The following DLG2 variants were observed in gnomAD, a reference collection of about 807,000 sequenced individuals.
The protein encoded by DLG2 is disks large homolog 2.
A neutral mutation model predicts 132.5 loss-of-function variants in DLG2; 45 were observed. The observed-to-expected ratio is 0.34, with a 90% CI of 0.27 to 0.44. The LOEUF is 0.44. Among genes scored for constraint, DLG2 ranks in the 20% least tolerant of loss-of-function variants. The pLI is 1.00. For synonymous variants in DLG2, 424 were observed against 419.6 expected (o/e 1.01, Z -0.13); for missense variants, 1,045 against 1,196.9 (o/e 0.87, Z 1.87).
At chr11:84,866,047 G>A (rs1005099692) in intron 6 of DLG2, among the ~76,000 whole-genome samples, 2 of 152,172 alleles carry the variant, frequency 1.3e-5, no homozygotes, top group Non-Finnish European at 2.9e-5. Context: ...AAAAGGTTGA[G>A]GGAATGATTA....
chr11:83,655,967 C>G (rs1395911826), intron 18 of DLG2, among the ~76,000 whole-genome samples: 1 of 152,220 alleles, frequency 6.6e-6, no homozygotes, highest in Admixed American at 6.5e-5. Context: ...CTAAACAGTG[C>G]AGTAGGAATT....
intron 6 of DLG2, among the ~76,000 whole-genome samples, chr11:85,059,977 T>C (rs903468911): frequency 6.6e-5 from 10 of 151,476 alleles, no homozygotes; most frequent in Admixed American, 2.0e-4. Context: ...ATCTACCCTC[T>C]TAAATTTTTA....
At chr11:84,405,704 T>C (rs1053065073) in intron 7 of DLG2, among the ~76,000 whole-genome samples, 2 of 151,882 alleles carry the variant, frequency 1.3e-5, no homozygotes, top group African/African-American at 4.8e-5. Flanking sequence ...TAATAGAGAC[T>C]AGAAAGTACT....
Position 85,542,710 on chromosome 11 carries a change from G to C in DLG2, c.40+55947C>G, listed in dbSNP as rs187868567. Among the ~76,000 whole-genome samples the C allele has an allele frequency of 1.3e-4, 20 of 152,198 alleles. 1 individual carries two copies. Among genetic ancestry groups the C allele is most frequent in the African/African-American group, 4.1e-4 (17 of 41,516 alleles). ...CTTCATTCTCTGTTCCTATGTCATA[G>C]CATAATCATTTGACATGACATTTCA... On this transcript the variant is annotated intron_variant, in intron 3 of 27. Coordinates refer to ENST00000376104, the MANE Select transcript of DLG2 (RefSeq NM_001142699.3).
intron 19 of DLG2, among the ~76,000 whole-genome samples, chr11:83,628,026 C>T (rs1220101120): frequency 4.6e-5 from 7 of 152,250 alleles, no homozygotes; most frequent in Non-Finnish European, 7.4e-5. Flanking sequence ...TGAGAAGTGT[C>T]TGTTCATATC....
chr11:85,403,327 A>G (rs574066519), intron 3 of DLG2, among the ~76,000 whole-genome samples: 1 of 151,940 alleles, frequency 6.6e-6, no homozygotes, highest in South Asian at 2.1e-4. Context: ...TACATCAAAC[A>G]TTGGGGCCTG....
intron 18 of DLG2, among the ~76,000 whole-genome samples, chr11:83,743,887 A>G (rs745507955): frequency 6.6e-6 from 1 of 152,208 alleles, no homozygotes; most frequent in Non-Finnish European, 1.5e-5. Context: ...GGCTATATTT[A>G]TTACGTACTG....
At chr11:84,364,453 C>G (rs988583795) in intron 7 of DLG2, among the ~76,000 whole-genome samples, 1 of 152,140 alleles carries the variant, frequency 6.6e-6, no homozygotes, top group African/African-American at 2.4e-5. Context: ...ATGTCATCTG[C>G]AAACAGGGAC....
intron 3 of DLG2, among the ~76,000 whole-genome samples, chr11:85,435,487 C>CA (rs1439473265): frequency 6.6e-6 from 1 of 152,028 alleles, no homozygotes; most frequent in Non-Finnish European, 1.5e-5. Context: ...AATTAATGTG[C>CA]AAAAATCACA....
rs116655808 is a variant in DLG2, at chr11:85,131,576, A to G, written c.283-19841T>C. On this transcript the variant is annotated intron_variant, in intron 5 of 27. Coordinates refer to ENST00000376104, the MANE Select transcript of DLG2 (RefSeq NM_001142699.3). ...GCATGAGATGTTTGGCAATTTTTAA[A>G]AGTAAAATAAGGTATTCATCTAATT... Among the ~76,000 whole-genome samples the G allele has an allele frequency of 3.4e-3, 511 of 152,238 alleles. 1 individual carries two copies. Among genetic ancestry groups the G allele is most frequent in the African/African-American group, 0.012 (489 of 41,544 alleles).
chr11:84,490,530 A>C (rs985915389), intron 7 of DLG2, among the ~76,000 whole-genome samples: 6 of 151,562 alleles, frequency 4.0e-5, no homozygotes, highest in Non-Finnish European at 5.9e-5. Context: ...GGTCTTGATG[A>C]CTCTCAGCGG....
chr11:85,508,584 C>A (rs1025020874), intron 3 of DLG2, among the ~76,000 whole-genome samples: 2 of 151,950 alleles, frequency 1.3e-5, no homozygotes, highest in Non-Finnish European at 2.9e-5. Context: ...TCCATAAGAA[C>A]AAGAATTTCA....
intron 16 of DLG2, among the ~76,000 whole-genome samples, chr11:83,862,410 G>A (rs2061593789): frequency 6.6e-6 from 1 of 152,024 alleles, no homozygotes; most frequent in Admixed American, 6.6e-5. Flanking sequence ...CTGAACTTAT[G>A]GATATAATAG....
chr11:84,026,981 C>T (rs1311606565), intron 11 of DLG2, among the ~76,000 whole-genome samples: 3 of 151,120 alleles, frequency 2.0e-5, no homozygotes, highest in African/African-American at 7.3e-5. Flanking sequence ...TTTTTTAGGC[C>T]CTCGGTCTTC....
chr11:84,607,355 A>C (rs2099587662), intron 6 of DLG2, among the ~76,000 whole-genome samples: 1 of 152,124 alleles, frequency 6.6e-6, no homozygotes, highest in South Asian at 2.1e-4. Context: ...CTACCCTGTA[A>C]AGTTGAGAAA....
chr11:83,950,730 A>G (rs1412727353), intron 14 of DLG2, among the ~76,000 whole-genome samples: 1 of 152,152 alleles, frequency 6.6e-6, no homozygotes, highest in African/African-American at 2.4e-5. Flanking sequence ...AAGCTGTCAC[A>G]AGGAAGTCTT....
rs1379859155 is a variant in DLG2 at position 84,283,447 on chromosome 11, T to C, written c.520-32156A>G. 8.5e-5 allele frequency among the ~76,000 whole-genome samples: 13 copies of C among 152,214 alleles called. No homozygotes were observed. In the East Asian group the frequency reaches 2.3e-3, roughly 27 times the overall value. On this transcript the variant is annotated intron_variant, in intron 7 of 27. Coordinates refer to ENST00000376104, the MANE Select transcript of DLG2 (RefSeq NM_001142699.3). ...AGAACCTGGCACATAGTAAGCACTA[T>C]TATTAGTGTTTATGAAATTAATTTA...
At chr11:85,577,637 G>T (rs1379833405) in intron 3 of DLG2, among the ~76,000 whole-genome samples, 1 of 152,008 alleles carries the variant, frequency 6.6e-6, no homozygotes, top group East Asian at 1.9e-4. Context: ...ATAAATTTGG[G>T]AGTCATAAGC....
intron 27 of DLG2, 143 bp downstream of exon 27, chr11:83,461,859 A>G: frequency 1.6e-6 from 1 of 620,968 alleles, no homozygotes; most frequent in South Asian, 2.0e-5. Flanking sequence ...GCAGAGGGAT[A>G]CTCCTTGTAT....
Sources: gnomAD v4.1 joint callset for allele counts (sites outside exome capture counted in the v4.1 genomes callset) on GRCh38, gnomAD v4.1.1 for gene constraint, MANE v1.5 for transcripts, NCBI Gene and HGNC (gene_info 2026-07-23, HGNC 2026-07-21) for gene names.